Variants in DPY19L1 observed in about 807,000 individuals in gnomAD.
DPY19L1 encodes protein C-mannosyl-transferase DPY19L1.
DPY19L1 carries 35 observed loss-of-function variants against 96.9 expected under a neutral mutation model. That is an observed-to-expected ratio of 0.36 (90% CI 0.28 to 0.48). DPY19L1 has a LOEUF of 0.48. DPY19L1 is among the 20% of genes least tolerant of loss of function. The pLI is 0.99. For synonymous variants in DPY19L1, 205 were observed against 252.6 expected (o/e 0.81, Z 1.79); for missense variants, 521 against 777.9 (o/e 0.67, Z 3.93).
chr7:34,933,413 TCAGACACACATA>T (rs1171404547), intron 21 of DPY19L1, among the ~76,000 whole-genome samples: 1 of 152,248 alleles, frequency 6.6e-6, no homozygotes, highest in Non-Finnish European at 1.5e-5. Flanking sequence ...TTCTCCAATG[TCAGACACACATA>T]CAGACACAGA....
chr7:34,932,736 G>T (rs1415468563), intron 21 of DPY19L1, among the ~76,000 whole-genome samples: 2 of 152,082 alleles, frequency 1.3e-5, no homozygotes, highest in Non-Finnish European at 2.9e-5. Flanking sequence ...CTTAAATCAA[G>T]AACAGTTTTA....
At chr7:34,988,904 C>T (rs1420408917) in intron 7 of DPY19L1, among the ~76,000 whole-genome samples, 6 of 152,300 alleles carry the variant, frequency 3.9e-5, no homozygotes, top group Admixed American at 2.0e-4. Context: ...TAGCAGCTAC[C>T]ATGTGCCAAA....
At chr7:35,004,448 A>C (rs1049957042) in intron 6 of DPY19L1, among the ~76,000 whole-genome samples, 3 of 152,238 alleles carry the variant, frequency 2.0e-5, no homozygotes. Context: ...ACATTGGTCC[A>C]AAAGTTAGGA....
intron 4 of DPY19L1, 71 bp from the exon 5 acceptor site, chr7:35,011,521 G>A (rs2128678189): frequency 7.1e-7 from 1 of 1,400,666 alleles, no homozygotes; most frequent in Non-Finnish European, 9.7e-7. Context: ...ATACTTTTGA[G>A]ATACTTTGAC....
chr7:35,018,344 G>A (rs1785909453), intron 2 of DPY19L1, among the ~76,000 whole-genome samples: 1 of 152,142 alleles, frequency 6.6e-6, no homozygotes, highest in Non-Finnish European at 1.5e-5. Flanking sequence ...TTAATGTTGA[G>A]TGGAGTCTCA....
At chr7:35,031,658 T>C (rs761069504) in intron 1 of DPY19L1, among the ~76,000 whole-genome samples, 1 of 152,244 alleles carries the variant, frequency 6.6e-6, no homozygotes, top group Non-Finnish European at 1.5e-5. Context: ...ATTGATGCCA[T>C]ATTATTGGCC....
At chr7:34,999,015 C>A (rs952558356) in intron 6 of DPY19L1, among the ~76,000 whole-genome samples, 1 of 152,132 alleles carries the variant, frequency 6.6e-6, no homozygotes, top group African/African-American at 2.4e-5. Context: ...CAATCACTAA[C>A]TTTCAAGAAA....
intron 21 of DPY19L1, among the ~76,000 whole-genome samples, chr7:34,937,000 A>T (rs1284589157): frequency 2.0e-5 from 3 of 152,240 alleles, no homozygotes; most frequent in Non-Finnish European, 4.4e-5. Flanking sequence ...TCCATAAAAT[A>T]GTGTTTATTT....
In DPY19L1 at chr7:34,996,866, A is replaced by G. The variant is rs1214725520; in HGVS notation, c.765-6925T>C. ...TCATCACAGTTCCTCAAATGATAAGACCACACTGACAACAGTGTGCAGAGC... is the reference window on the plus strand; with the variant it reads ...TCATCACAGTTCCTCAAATGATAAGGCCACACTGACAACAGTGTGCAGAGC... On this transcript the variant is annotated intron_variant, in intron 6 of 21. Coordinates refer to ENST00000638088, the MANE Select transcript of DPY19L1 (RefSeq NM_001366673.1). Among the ~76,000 whole-genome samples, 4 of 152,172 alleles carry G rather than the reference A, an allele frequency of 2.6e-5. No individual in the cohort carries two copies. The East Asian group carries it at 7.7e-4, about 29-fold the overall frequency.
At chr7:34,964,238 G>C (rs1784564906) in intron 10 of DPY19L1, among the ~76,000 whole-genome samples, 1 of 151,996 alleles carries the variant, frequency 6.6e-6, no homozygotes, top group Admixed American at 6.6e-5. Context: ...ATATAATAAA[G>C]TATGTATCAT....
At chr7:34,970,804 C>T (rs528997630) in intron 8 of DPY19L1, among the ~76,000 whole-genome samples, 1 of 148,960 alleles carries the variant, frequency 6.7e-6, no homozygotes, top group Non-Finnish European at 1.5e-5. Context: ...ATAGCTCTGA[C>T]CCAAGACAAC....
At chr7:35,026,939 G>A (rs1294024564) in intron 1 of DPY19L1, among the ~76,000 whole-genome samples, 1 of 152,188 alleles carries the variant, frequency 6.6e-6, no homozygotes, top group Non-Finnish European at 1.5e-5. Context: ...GCTCATGCCT[G>A]TAATCCCAGC....
chr7:34,959,765 A>G (rs1366987334), intron 10 of DPY19L1, among the ~76,000 whole-genome samples: 1 of 151,658 alleles, frequency 6.6e-6, no homozygotes, highest in Non-Finnish European at 1.5e-5. Flanking sequence ...CCTAATGTAG[A>G]TGACGGGTTG....
At chr7:34,933,181 G>C (rs1783791970) in intron 21 of DPY19L1, among the ~76,000 whole-genome samples, 1 of 152,078 alleles carries the variant, frequency 6.6e-6, no homozygotes. Flanking sequence ...GGAAACAAGT[G>C]GTTTTTGGTT....
chr7:35,031,724 C>T (rs532459997), intron 1 of DPY19L1, among the ~76,000 whole-genome samples: 90 of 152,208 alleles, frequency 5.9e-4, no homozygotes, highest in Non-Finnish European at 1.0e-3. Context: ...CTAAACTTAT[C>T]AAATTTGTTA....
chr7:34,955,798 G>T (rs2114733), intron 11 of DPY19L1, among the ~76,000 whole-genome samples: 32,764 of 152,012 alleles, frequency 0.22, 4,234 homozygotes, highest in Non-Finnish European at 0.29. Context: ...GTATTTTCAG[G>T]TGGTAATGCT....
rs1212384355 is a variant in DPY19L1 at position 35,029,687 on chromosome 7, T to TA, written c.298+7409dup. On this transcript the variant is annotated intron_variant, in intron 1 of 21. Coordinates refer to ENST00000638088, the MANE Select transcript of DPY19L1 (RefSeq NM_001366673.1). ...TAAATAGTTTTCAAAAATAATCATATAAAAAAACCCCAGAGACTGACAGGT... is the reference window on the plus strand; with the variant it reads ...TAAATAGTTTTCAAAAATAATCATATAAAAAAAACCCCAGAGACTGACAGGT... 1.4e-4 allele frequency among the ~76,000 whole-genome samples: 21 copies of TA among 151,988 alleles called. No individual in the cohort carries two copies. The South Asian group carries it at 1.9e-3, about 14-fold the overall frequency.
intron 15 of DPY19L1, among the ~76,000 whole-genome samples, chr7:34,947,020 T>C (rs1264121941): frequency 1.3e-5 from 2 of 152,262 alleles, no homozygotes; most frequent in Non-Finnish European, 2.9e-5. Context: ...CGTCTCTTTT[T>C]CCATCACAGA....
chr7:34,963,525 C>T (rs766556013), intron 10 of DPY19L1, among the ~76,000 whole-genome samples: 5 of 152,194 alleles, frequency 3.3e-5, no homozygotes, highest in Non-Finnish European at 7.3e-5. Context: ...TATTTGTTTA[C>T]CCATGTTCAT....
Sources: gnomAD v4.1 joint callset for allele counts (sites outside exome capture counted in the v4.1 genomes callset) on GRCh38, gnomAD v4.1.1 for gene constraint, MANE v1.5 for transcripts, NCBI Gene and HGNC (gene_info 2026-07-23, HGNC 2026-07-21) for gene names.